The following BIRC6 variants were observed in gnomAD, a reference collection of about 807,000 sequenced individuals.
The protein encoded by BIRC6 is baculoviral IAP repeat containing 6, also known as dual E2 ubiquitin-conjugating enzyme/E3 ubiquitin-protein ligase BIRC6.
Under a neutral mutation model 503.3 loss-of-function variants are expected in BIRC6, and 98 were observed. The ratio of observed to expected loss-of-function variants is 0.19; its 90% CI spans 0.17 to 0.23. The LOEUF (loss-of-function observed/expected upper bound fraction) is 0.23. Ranked by LOEUF, BIRC6 falls within the 10% of genes least tolerant of loss-of-function variation. The pLI is 1.00. For synonymous variants in BIRC6, 2,240 were observed against 2,078.7 expected (o/e 1.08, Z -2.11); for missense variants, 5,360 against 5,806.0 (o/e 0.92, Z 2.50).
chr2:32,584,381 T>A (rs2060889546), intron 66 of BIRC6, among the ~76,000 whole-genome samples: 1 of 151,910 alleles, frequency 6.6e-6, no homozygotes, highest in East Asian at 1.9e-4. Context: ...AATACAAAAA[T>A]TAGCTGCGTG....
intron 67 of BIRC6, 133 bp from the exon 68 acceptor site, chr2:32,594,898 TAAG>T (rs2061588874): frequency 5.8e-6 from 3 of 515,018 alleles, no homozygotes; most frequent in South Asian, 7.5e-5. Flanking sequence ...GCGGTTGTAA[TAAG>T]ATAATTGTGA....
chr2:32,536,371 C>T (rs576151215), intron 61 of BIRC6, among the ~76,000 whole-genome samples: 3 of 152,106 alleles, frequency 2.0e-5, no homozygotes, highest in Non-Finnish European at 2.9e-5. Flanking sequence ...TTAGACATGA[C>T]GTCCTTGCCC....
At chr2:32,572,416 A>G (rs182477959) in intron 65 of BIRC6, among the ~76,000 whole-genome samples, 5 of 152,306 alleles carry the variant, frequency 3.3e-5, no homozygotes, top group Admixed American at 2.0e-4. Context: ...TGAAAACAGT[A>G]TTGTATTGAA....
chr2:32,493,464 C>A, intron 44 of BIRC6, 76 bp from the exon 45 acceptor site: 1 of 1,392,990 alleles, frequency 7.2e-7, no homozygotes, highest in South Asian at 1.5e-5. Context: ...TGACTTTCTA[C>A]TTGATAATTT....
rs954548999 is a variant in BIRC6 at position 32,514,554 on chromosome 2, G to A, written c.10569-436G>A. On this transcript the variant is annotated intron_variant, in intron 54 of 73. Coordinates refer to ENST00000421745, the MANE Select transcript of BIRC6 (RefSeq NM_016252.4). ...GTAGGTCATCATATTTGGCCTTAGC[G>A]ATTGGCATAATCCATGACTTAATTA... Among the ~76,000 whole-genome samples, 30 of 152,270 alleles carry A rather than the reference G, an allele frequency of 2.0e-4. No individual in the cohort carries two copies. In the East Asian group the frequency reaches 5.8e-3, roughly 29 times the overall value.
rs752804111 is a variant in BIRC6 at position 32,467,488 on chromosome 2, T to C, written c.5357-37T>C. 3 of 1,518,234 alleles carry C rather than the reference T, an allele frequency of 2.0e-6. No individual in the cohort carries two copies. The African/African-American group carries it at 4.1e-5, about 21-fold the overall frequency. 94.0% of individuals were successfully genotyped at this position (1,518,234 alleles called of 1,614,324 possible). On this transcript the variant is annotated intron_variant, in intron 26 of 73. Coordinates refer to ENST00000421745, the MANE Select transcript of BIRC6 (RefSeq NM_016252.4). Reference sequence around the variant, plus strand: ...TTGAGTGTATCATTTGGTTAATTGATATATTTTTGGTCAACTGTTTCTTCT... The same window carrying C: ...TTGAGTGTATCATTTGGTTAATTGACATATTTTTGGTCAACTGTTTCTTCT...
In BIRC6 at chr2:32,359,012, T is replaced by A. The variant is rs369570233; in HGVS notation, c.325+1526T>A. On this transcript the variant is annotated intron_variant, in intron 1 of 73. Coordinates refer to ENST00000421745, the MANE Select transcript of BIRC6 (RefSeq NM_016252.4). ...AGTATGAAAAGGTATGAAGAGTAATTACAGTGAACACCATGCATCCCCAAC... is the reference window on the plus strand; with the variant it reads ...AGTATGAAAAGGTATGAAGAGTAATAACAGTGAACACCATGCATCCCCAAC... Among the ~76,000 whole-genome samples the A allele has an allele frequency of 2.0e-5, 3 of 152,282 alleles. No individual in the cohort carries two copies. The East Asian group carries it at 5.8e-4, about 29-fold the overall frequency.
At chr2:32,587,312 G>C (rs11124285) in intron 66 of BIRC6, among the ~76,000 whole-genome samples, 1 of 152,156 alleles carries the variant, frequency 6.6e-6, no homozygotes, top group Non-Finnish European at 1.5e-5. Context: ...ATTTGAACCC[G>C]GGAGGTGGAG....
In BIRC6 at chr2:32,453,801, C is replaced by A. The variant is rs187746900; in HGVS notation, c.4619-7C>A. ...CACGTGTTATAAAACTTGTCTTTTG[C>A]CATTAGGAAATGGAAAGGTCAGTAG... On this transcript the variant is annotated splice_polypyrimidine_tract_variant and splice_region_variant and intron_variant, in intron 22 of 73. Coordinates refer to ENST00000421745, the MANE Select transcript of BIRC6 (RefSeq NM_016252.4). 3.1e-6 allele frequency: 5 copies of A among 1,610,234 alleles called. No homozygotes were observed. In the Admixed American group the frequency reaches 8.4e-5, roughly 27 times the overall value.
intron 43 of BIRC6, 126 bp downstream of exon 43, chr2:32,490,277 G>A (rs1028711991): frequency 6.2e-6 from 5 of 807,092 alleles, no homozygotes; most frequent in Non-Finnish European, 8.1e-6. Context: ...GCCAGATGTG[G>A]TGGCTCACGC....
chr2:32,467,824 A>G (rs528721257), intron 27 of BIRC6, 79 bp from the exon 28 acceptor site: 1 of 1,431,748 alleles, frequency 7.0e-7, no homozygotes, highest in Non-Finnish European at 9.4e-7. Flanking sequence ...AAAAAATATA[A>G]CTATCTTTTT....
At chr2:32,592,051 GAC>G (rs1413802008) in intron 66 of BIRC6, among the ~76,000 whole-genome samples, 2 of 152,188 alleles carry the variant, frequency 1.3e-5, no homozygotes, top group Non-Finnish European at 2.9e-5. Flanking sequence ...AGCTGTAAAA[GAC>G]ACAGTATAGT....
intron 67 of BIRC6, among the ~76,000 whole-genome samples, chr2:32,594,726 G>A (rs1414125564): frequency 1.3e-5 from 2 of 152,048 alleles, no homozygotes; most frequent in African/African-American, 4.8e-5. Flanking sequence ...ATGGATGGAT[G>A]GATGGACGGA....
chr2:32,362,791 A>T (rs556744594), intron 1 of BIRC6, among the ~76,000 whole-genome samples: 78 of 147,966 alleles, frequency 5.3e-4, no homozygotes, highest in African/African-American at 1.2e-3. Flanking sequence ...TGTCTTAAAA[A>T]TTTTTTTTTT....
In BIRC6 at chr2:32,457,437, A is replaced by G. The variant is rs548031613; in HGVS notation, c.4753+3495A>G. On this transcript the variant is annotated intron_variant, in intron 23 of 73. Coordinates refer to ENST00000421745, the MANE Select transcript of BIRC6 (RefSeq NM_016252.4). Reference sequence around the variant, plus strand: ...CTTTTCTGTTTTTAGGGCTGATTATATTTTTTACTGGTCAATTTTTCCATT... The same window carrying G: ...CTTTTCTGTTTTTAGGGCTGATTATGTTTTTTACTGGTCAATTTTTCCATT... 4.6e-5 allele frequency among the ~76,000 whole-genome samples: 7 copies of G among 151,902 alleles called. No individual in the cohort carries two copies. In the South Asian group the frequency reaches 1.0e-3, roughly 23 times the overall value.
At chr2:32,382,289 A>T (rs995852318) in intron 3 of BIRC6, among the ~76,000 whole-genome samples, 7 of 152,174 alleles carry the variant, frequency 4.6e-5, no homozygotes, top group South Asian at 2.1e-4. Context: ...CTGAAGAGAG[A>T]TGCTACTTGA....
chr2:32,390,496 G>C (rs1474752741), intron 4 of BIRC6, among the ~76,000 whole-genome samples: 1 of 151,982 alleles, frequency 6.6e-6, no homozygotes, highest in South Asian at 2.1e-4. Flanking sequence ...TGTATTTTTA[G>C]TAAAGACAGG....
chr2:32,468,821 A>T, intron 29 of BIRC6, 38 bp downstream of exon 29: 2 of 1,419,864 alleles, frequency 1.4e-6, no homozygotes, highest in South Asian at 2.8e-5. Flanking sequence ...GGCTGGGAAT[A>T]TACTTGATGT....
chr2:32,375,908 G>A (rs1244442523), intron 1 of BIRC6, among the ~76,000 whole-genome samples: 2 of 152,070 alleles, frequency 1.3e-5, no homozygotes, highest in Non-Finnish European at 1.5e-5. Flanking sequence ...TGAGATGGCC[G>A]GGCGCAGTGG....
Sources: gnomAD v4.1 joint callset for allele counts (sites outside exome capture counted in the v4.1 genomes callset) on GRCh38, gnomAD v4.1.1 for gene constraint, MANE v1.5 for transcripts, NCBI Gene and HGNC (gene_info 2026-07-23, HGNC 2026-07-21) for gene names.